Variants in DPP6 observed in about 807,000 individuals in gnomAD.
DPP6 encodes dipeptidyl peptidase like 6.
Under a neutral mutation model 122.6 loss-of-function variants are expected in DPP6, and 69 were observed. That is an observed-to-expected ratio of 0.56 (90% CI 0.46 to 0.69). The LOEUF is 0.69. Ranked by LOEUF, DPP6 falls within the 30% of genes least tolerant of loss-of-function variation. The pLI is 0.00. For synonymous variants in DPP6, 418 were observed against 433.1 expected, an observed-to-expected ratio of 0.97 and a Z score of 0.43; for missense variants, 928 against 1,116.9, an observed-to-expected ratio of 0.83 and a Z score of 2.41.
At chr7:154,334,811 G>C (rs555497214) in intron 1 of DPP6, among the ~76,000 whole-genome samples, 1 of 152,130 alleles carries the variant, frequency 6.6e-6, no homozygotes, top group African/African-American at 2.4e-5. Flanking sequence ...TGGGCGAATC[G>C]CTTGAAGCTG....
intron 3 of DPP6, among the ~76,000 whole-genome samples, chr7:154,484,206 A>T: frequency 6.6e-6 from 1 of 152,170 alleles, no homozygotes; most frequent in Non-Finnish European, 1.5e-5. Flanking sequence ...AGGGTGAAAG[A>T]CGCTTACATG....
At chr7:154,317,482 A>G (rs1379931063) in intron 1 of DPP6, among the ~76,000 whole-genome samples, 6 of 152,188 alleles carry the variant, frequency 3.9e-5, no homozygotes, top group Non-Finnish European at 7.3e-5. Flanking sequence ...CTGAGGCTCT[A>G]CTATGGTGTA....
chr7:154,225,903 G>T (rs942230784), intron 1 of DPP6, among the ~76,000 whole-genome samples: 2 of 152,112 alleles, frequency 1.3e-5, no homozygotes, highest in Non-Finnish European at 2.9e-5. Context: ...AGCAAGCAAT[G>T]CTTCAAAGCA....
chr7:154,531,671 T>TAA (rs1827848613), intron 3 of DPP6, among the ~76,000 whole-genome samples: 1 of 152,192 alleles, frequency 6.6e-6, no homozygotes, highest in African/African-American at 2.4e-5. Flanking sequence ...TTTAATTTCT[T>TAA]TATAAACCAT....
intron 1 of DPP6, among the ~76,000 whole-genome samples, chr7:153,933,548 A>AGCT (rs1354938526): frequency 2.6e-5 from 4 of 152,358 alleles, no homozygotes; most frequent in African/African-American, 9.6e-5. Flanking sequence ...GCGTTGCACC[A>AGCT]GCTGCTGTGT....
chr7:154,688,020 C>A (rs373726615), intron 7 of DPP6, among the ~76,000 whole-genome samples: 1 of 152,226 alleles, frequency 6.6e-6, no homozygotes, highest in Non-Finnish European at 1.5e-5. Flanking sequence ...GTGTTCCACT[C>A]ATCTTTTGTC....
intron 12 of DPP6, among the ~76,000 whole-genome samples, chr7:154,800,222 A>G (rs1356296187): frequency 6.6e-6 from 1 of 152,236 alleles, no homozygotes; most frequent in Non-Finnish European, 1.5e-5. Context: ...TAAAGGTTCC[A>G]TTTTATTGCA....
chr7:154,872,819 C>T (rs1465129507), intron 19 of DPP6, 126 bp downstream of exon 19: 2 of 1,505,552 alleles, frequency 1.3e-6, no homozygotes, highest in African/African-American at 1.4e-5. Context: ...AAACTGAAAA[C>T]ATAACATCGT....
intron 1 of DPP6, among the ~76,000 whole-genome samples, chr7:154,279,536 C>A (rs34829172): frequency 6.6e-6 from 1 of 152,008 alleles, no homozygotes; most frequent in East Asian, 1.9e-4. Flanking sequence ...TAGAGTAGCA[C>A]GCCATGCCTG....
chr7:153,873,018 G>A, the DPP6 span, among the ~76,000 whole-genome samples: 1 of 152,206 alleles, frequency 6.6e-6, no homozygotes, highest in East Asian at 1.9e-4. Flanking sequence ...GGCTCACAGT[G>A]CCCAGGCTGT....
intron 16 of DPP6, among the ~76,000 whole-genome samples, chr7:154,818,026 A>T (rs1799530022): frequency 6.6e-6 from 1 of 152,174 alleles, no homozygotes; most frequent in African/African-American, 2.4e-5. Flanking sequence ...ATTATCCAAG[A>T]TGACATACAT....
At chr7:154,416,786 G>A (rs957056619) in intron 1 of DPP6, among the ~76,000 whole-genome samples, 3 of 27,422 alleles carry the variant, frequency 1.1e-4, no homozygotes, top group African/African-American at 2.0e-4. Flanking sequence ...ATAGAAATGC[G>A]GTTTTCCTGC....
intron 1 of DPP6, among the ~76,000 whole-genome samples, chr7:154,318,355 G>A (rs1199314827): frequency 2.6e-5 from 4 of 152,114 alleles, no homozygotes; most frequent in African/African-American, 9.7e-5. Flanking sequence ...ACATTATCCT[G>A]TAAAGAGGTA....
intron 3 of DPP6, among the ~76,000 whole-genome samples, chr7:154,532,890 C>T (rs1418509545): frequency 6.6e-6 from 1 of 152,092 alleles, no homozygotes; most frequent in Non-Finnish European, 1.5e-5. Flanking sequence ...CACACTTCTC[C>T]CCTAAAGCAG....
At chr7:154,520,053 C>T (rs188851974) in intron 3 of DPP6, among the ~76,000 whole-genome samples, 109 of 152,276 alleles carry the variant, frequency 7.2e-4, no homozygotes, top group African/African-American at 2.4e-3. Context: ...TCTCAAAAAA[C>T]GCTGCAATGG....
chr7:154,056,836 C>G (rs1226915590), intron 1 of DPP6, among the ~76,000 whole-genome samples: 1 of 152,192 alleles, frequency 6.6e-6, no homozygotes, highest in Non-Finnish European at 1.5e-5. Flanking sequence ...ACTAGCTTCC[C>G]TCTACAAATA....
At chr7:154,715,344 C>T (rs1841423426) in intron 7 of DPP6, among the ~76,000 whole-genome samples, 2 of 152,202 alleles carry the variant, frequency 1.3e-5, no homozygotes, top group Admixed American at 1.3e-4. Context: ...GCTGGGATTA[C>T]AGGCATGAGC....
intron 1 of DPP6, among the ~76,000 whole-genome samples, chr7:154,176,539 A>G (rs1797809651): frequency 6.6e-6 from 1 of 152,250 alleles, no homozygotes; most frequent in Admixed American, 6.5e-5. Context: ...TTTTGTTTCA[A>G]TGTGTGTGTT....
In DPP6 at chr7:154,438,391, A is replaced by G. The variant is rs932455388; in HGVS notation, c.244-7823A>G. ...AGGCTGAGTCAGGAGAACGGCGTGA[A>G]CCCAGGAGGCGGAGCTTGCAGTGAG... On this transcript the variant is annotated intron_variant, in intron 1 of 25. Transcript: ENST00000377770. 4.2e-5 allele frequency among the ~76,000 whole-genome samples: 6 copies of G among 141,504 alleles called. No individual in the cohort carries two copies. The Admixed American group carries it at 4.6e-4, about 11-fold the overall frequency. The allele number at this position is 141,504 out of a possible 152,430, so 92.8% of individuals were successfully genotyped here.
Sources: gnomAD v4.1 joint callset for allele counts (sites outside exome capture counted in the v4.1 genomes callset) on GRCh38, gnomAD v4.1.1 for gene constraint, MANE v1.5 for transcripts, NCBI Gene and HGNC (gene_info 2026-07-23, HGNC 2026-07-21) for gene names.